ACVR1C: variants seen among roughly 807,000 people sequenced by gnomAD.
The protein encoded by ACVR1C is activin receptor type-1C.
Under a neutral mutation model 57.9 loss-of-function variants are expected in ACVR1C, and 23 were observed. The observed-to-expected ratio is 0.40, with a 90% CI of 0.29 to 0.56. The LOEUF (loss-of-function observed/expected upper bound fraction) is 0.56. Among genes scored for constraint, ACVR1C ranks in the 20% least tolerant of loss-of-function variants. ACVR1C has a pLI of 0.50. For missense variants in ACVR1C, 480 were observed against 607.9 expected (o/e 0.79, Z 2.21); for synonymous variants, 214 against 215.3 (o/e 0.99, Z 0.05).
chr2:157,620,033 G>A (rs1238990022), intron 1 of ACVR1C, among the ~76,000 whole-genome samples: 1 of 151,952 alleles, frequency 6.6e-6, no homozygotes. Context: ...ATCTTGATTT[G>A]GCACAATAAC....
At chr2:157,606,214 C>T (rs1682392961) in intron 1 of ACVR1C, among the ~76,000 whole-genome samples, 1 of 151,664 alleles carries the variant, frequency 6.6e-6, no homozygotes, top group African/African-American at 2.4e-5. Flanking sequence ...CTGATGGACA[C>T]TTAGGCTGAA....
intron 8 of ACVR1C, among the ~76,000 whole-genome samples, chr2:157,536,255 C>A (rs1687484564): frequency 6.6e-6 from 1 of 152,112 alleles, no homozygotes; most frequent in South Asian, 2.1e-4. Flanking sequence ...ATTTGAAGAA[C>A]TATGACTCCA....
rs936322694 is a variant in ACVR1C at position 157,585,059 on chromosome 2, A to C, written c.304+2128T>G. Among the ~76,000 whole-genome samples the C allele has an allele frequency of 4.6e-5, 7 of 152,188 alleles. 1 individual carries two copies. The highest frequency in any genetic ancestry group is 2.9e-5 in the Non-Finnish European group (2 of 68,022). On this transcript the variant is annotated intron_variant, in intron 2 of 8. Coordinates refer to ENST00000243349, the MANE Select transcript of ACVR1C (RefSeq NM_145259.3). ...AAATAAATCCCATCTACAATGATAG[A>C]AAATAGATCAGTGGTCTAGCCCTGG...
Position 157,538,604 on chromosome 2 carries a change from G to T in ACVR1C, c.1325C>A (p.Pro442Gln). Reference protein sequence around the residue: ...RKVVCDQKFRPSIPNQWQSCE... With the variant: ...RKVVCDQKFRQSIPNQWQSCE... ...ACTTTGCCACTGGTTTGGGATACTT[G>T]GTCGAAACTTCTGGTCACAAACAAC... The change falls in exon 8 of 9, where the codon CCA becomes CAA. Residue 442 changes from proline (P) to glutamine (Q), a missense_variant. Coordinates refer to ENST00000243349, the MANE Select transcript of ACVR1C (RefSeq NM_145259.3). The T allele has an allele frequency of 1.3e-6, 2 of 1,578,974 alleles. No homozygotes were observed. The highest frequency in any genetic ancestry group is 1.8e-5 in the Admixed American group (1 of 55,554).
intron 1 of ACVR1C, among the ~76,000 whole-genome samples, chr2:157,588,345 C>T (rs1688977092): frequency 6.6e-6 from 1 of 151,738 alleles, no homozygotes; most frequent in South Asian, 2.1e-4. Flanking sequence ...CAGCATGAAG[C>T]GCCTAGTGGT....
chr2:157,557,791 A>T (rs1424341623), intron 2 of ACVR1C, among the ~76,000 whole-genome samples: 2 of 152,218 alleles, frequency 1.3e-5, no homozygotes, highest in East Asian at 3.8e-4. Flanking sequence ...TTAAAAACAC[A>T]TGAAGCCAAT....
chr2:157,585,683 A>T (rs767953099), intron 2 of ACVR1C, among the ~76,000 whole-genome samples: 2 of 152,172 alleles, frequency 1.3e-5, no homozygotes, highest in African/African-American at 4.8e-5. Flanking sequence ...CATTAAACAT[A>T]AGGAGACTTC....
At chr2:157,556,474 T>G in intron 2 of ACVR1C, 142 bp from the exon 3 acceptor site, 1 of 1,102,070 alleles carries the variant, frequency 9.1e-7, no homozygotes, top group Non-Finnish European at 1.3e-6. Flanking sequence ...AAAGGCTCTC[T>G]GTGGTATAAG....
intron 3 of ACVR1C, among the ~76,000 whole-genome samples, chr2:157,553,746 A>G (rs550526759): frequency 3.3e-5 from 5 of 152,372 alleles, no homozygotes; most frequent in African/African-American, 1.2e-4. Context: ...AAGAAATTAT[A>G]TAAGGTTTCA....
At chr2:157,596,798 A>C (rs1682130269) in intron 1 of ACVR1C, among the ~76,000 whole-genome samples, 2 of 152,192 alleles carry the variant, frequency 1.3e-5, no homozygotes, top group South Asian at 4.1e-4. Flanking sequence ...AGAGTACTTT[A>C]CTACATGCCA....
At chr2:157,563,322 C>A (rs1017991489) in intron 2 of ACVR1C, among the ~76,000 whole-genome samples, 2 of 152,054 alleles carry the variant, frequency 1.3e-5, no homozygotes, top group Non-Finnish European at 2.9e-5. Context: ...TACATGCCAA[C>A]AATAGACAAG....
chr2:157,573,611 T>G (rs1315469961), intron 2 of ACVR1C, among the ~76,000 whole-genome samples: 2 of 152,180 alleles, frequency 1.3e-5, no homozygotes, highest in Non-Finnish European at 2.9e-5. Context: ...ATGAACTAAG[T>G]AGCAATTCTT....
intron 1 of ACVR1C, among the ~76,000 whole-genome samples, chr2:157,625,175 A>C (rs898936458): frequency 6.6e-6 from 1 of 152,142 alleles, no homozygotes; most frequent in Non-Finnish European, 1.5e-5. Context: ...CAACATATTC[A>C]AAACTGAGCT....
At chr2:157,557,481 T>A (rs1464742298) in intron 2 of ACVR1C, among the ~76,000 whole-genome samples, 1 of 152,114 alleles carries the variant, frequency 6.6e-6, no homozygotes, top group East Asian at 1.9e-4. Flanking sequence ...TTTTAATTCC[T>A]AGCTCTGATC....
intron 1 of ACVR1C, among the ~76,000 whole-genome samples, chr2:157,621,945 G>C (rs1279676373): frequency 1.3e-5 from 2 of 152,072 alleles, no homozygotes; most frequent in African/African-American, 4.8e-5. Flanking sequence ...AAAAGCTCCA[G>C]GTAATAAGAA....
At chr2:157,534,304 G>T (rs1040654065) in intron 8 of ACVR1C, among the ~76,000 whole-genome samples, 1 of 152,208 alleles carries the variant, frequency 6.6e-6, no homozygotes, top group South Asian at 2.1e-4. Flanking sequence ...ATGCACCGCT[G>T]TACCTGCCAT....
chr2:157,550,072 A>G, intron 4 of ACVR1C, 90 bp downstream of exon 4: 1 of 1,031,918 alleles, frequency 9.7e-7, no homozygotes. Flanking sequence ...ATTTTTTCTT[A>G]TCTGATACTA....
rs776766399 is a variant in ACVR1C at position 157,542,708 on chromosome 2, C to G, written c.1098G>C (p.Lys366Asn). The G allele has an allele frequency of 3.1e-6, 5 of 1,612,400 alleles. No homozygotes were observed. Among genetic ancestry groups the G allele is most frequent in the Non-Finnish European group, 4.2e-6 (5 of 1,179,300 alleles). Residue 366 changes from lysine to asparagine, a missense_variant and splice_region_variant, in exon 6 of 9, where the codon AAG becomes AAC. By Grantham distance (94) the Lys-to-Asn change is moderately conservative. Coordinates refer to ENST00000243349, the MANE Select transcript of ACVR1C (RefSeq NM_145259.3). ...DIPQNPKVGT[K>N]RYMAPEMLDD... is the part of the protein sequence containing the mutation. ...GCTACCCAAGTCAGTCGTCTTACCT[C>G]TTGGTTCCCACTTTAGGATTCTGAG...
rs1156729197 is a variant in ACVR1C at position 157,593,754 on chromosome 2, T to C, written c.74-6337A>G. On this transcript the variant is annotated intron_variant, in intron 1 of 8. Coordinates refer to ENST00000243349, the MANE Select transcript of ACVR1C (RefSeq NM_145259.3). ...TTGTCAAAATTTTATTTTCTTGTCA[T>C]GTGGTCATTTCAAAGCATTTGCCTT... is the stretch of plus-strand genomic sequence containing the variant. Among the ~76,000 whole-genome samples, 3 of 152,274 alleles carry C rather than the reference T, an allele frequency of 2.0e-5. No individual in the cohort carries two copies. In the East Asian group the frequency reaches 5.8e-4, roughly 29 times the overall value.
Sources: gnomAD v4.1 joint callset for allele counts (sites outside exome capture counted in the v4.1 genomes callset) on GRCh38, gnomAD v4.1.1 for gene constraint, MANE v1.5 for transcripts, NCBI Gene and HGNC (gene_info 2026-07-23, HGNC 2026-07-21) for gene names.